The following WASF1 variants were observed in gnomAD, a reference collection of about 807,000 sequenced individuals.
The protein encoded by WASF1 is actin-binding protein WASF1.
A neutral mutation model predicts 50.5 loss-of-function variants in WASF1; 7 were observed. That is an observed-to-expected ratio of 0.14 (90% CI 0.08 to 0.26). WASF1 has a LOEUF of 0.26. Among genes scored for constraint, WASF1 ranks in the 10% least tolerant of loss-of-function variants. WASF1 has a pLI of 1.00. For missense variants in WASF1, 470 were observed against 694.7 expected (o/e 0.68, Z 3.64); for synonymous variants, 205 against 244.0 (o/e 0.84, Z 1.49).
chr6:110,174,701 T>C (rs1001409359), intron 2 of WASF1, among the ~76,000 whole-genome samples: 5 of 152,180 alleles, frequency 3.3e-5, no homozygotes, highest in Non-Finnish European at 7.4e-5. Context: ...CAGAATCTTG[T>C]ACATCTAGCA....
At position 110,164,585 on chromosome 6, in the gene WASF1, CAAG is replaced by C. The variant is rs141666066; in HGVS notation, c.-126-3856_-126-3854del. ...ACCAAATGATGGAGAGAATGCAGAGCAAGAAGAACTCTCATTCGCTGCTATTGA... is the reference window on the plus strand; with the variant it reads ...ACCAAATGATGGAGAGAATGCAGAGCAAGAACTCTCATTCGCTGCTATTGA... On this transcript the variant is annotated intron_variant, in intron 2 of 10. Coordinates refer to ENST00000392589, the MANE Select transcript of WASF1 (RefSeq NM_003931.3). 9.6e-3 allele frequency among the ~76,000 whole-genome samples: 1,453 copies of C among 151,676 alleles called. 14 individuals carry two copies. The highest frequency in any genetic ancestry group is 0.017 in the Non-Finnish European group (1,178 of 67,666).
At chr6:110,123,739 A>C (rs1774241767) in intron 4 of WASF1, among the ~76,000 whole-genome samples, 2 of 152,202 alleles carry the variant, frequency 1.3e-5, no homozygotes, top group South Asian at 4.1e-4. Flanking sequence ...ATACTTCCAG[A>C]GACAGTTTCT....
At chr6:110,144,952 G>C (rs542305332) in intron 3 of WASF1, among the ~76,000 whole-genome samples, 2 of 151,960 alleles carry the variant, frequency 1.3e-5, no homozygotes, top group African/African-American at 2.4e-5. Flanking sequence ...GCTCTTTTTT[G>C]GTTCCATATG....
chr6:110,105,624 T>A (rs1388372115), intron 7 of WASF1, 45 bp from the exon 8 acceptor site: 1 of 1,580,316 alleles, frequency 6.3e-7, no homozygotes, highest in African/African-American at 1.4e-5. Flanking sequence ...TAAGCGCTAA[T>A]TTTTAAAAAG....
At chr6:110,103,198 C>G (rs1396085521) in intron 9 of WASF1, among the ~76,000 whole-genome samples, 180 bp downstream of exon 9, 1 of 152,170 alleles carries the variant, frequency 6.6e-6, no homozygotes, top group Non-Finnish European at 1.5e-5. Context: ...TTTATTTCAA[C>G]ACAGACACAT....
intron 7 of WASF1, among the ~76,000 whole-genome samples, chr6:110,106,603 A>G (rs1168879753): frequency 1.3e-5 from 2 of 152,242 alleles, no homozygotes; most frequent in African/African-American, 4.8e-5. Flanking sequence ...TCATGTGAAT[A>G]TAATAACCTC....
chr6:110,124,341 G>A (rs1312691289), intron 4 of WASF1, among the ~76,000 whole-genome samples: 1 of 128,940 alleles, frequency 7.8e-6, no homozygotes, highest in African/African-American at 3.0e-5. Context: ...GGGGCAACCT[G>A]GAACCTGCTT....
At chr6:110,171,952 C>T (rs1410848130) in intron 2 of WASF1, among the ~76,000 whole-genome samples, 4 of 152,074 alleles carry the variant, frequency 2.6e-5, no homozygotes, top group Admixed American at 2.6e-4. Flanking sequence ...CCACTGGTCA[C>T]TAAAGAAATG....
intron 2 of WASF1, among the ~76,000 whole-genome samples, chr6:110,176,098 G>A (rs1776917155): frequency 6.6e-6 from 1 of 151,914 alleles, no homozygotes; most frequent in Non-Finnish European, 1.5e-5. Context: ...CAATTGTGTA[G>A]TAAGTTAGAA....
At chr6:110,117,532 T>A (rs2114487719) in intron 4 of WASF1, among the ~76,000 whole-genome samples, 1 of 152,188 alleles carries the variant, frequency 6.6e-6, no homozygotes, top group Non-Finnish European at 1.5e-5. Flanking sequence ...CAAATATATG[T>A]TTGACTGGTG....
rs1048781127 is a variant in WASF1, at chr6:110,111,424, A to T, written c.268+1902T>A. On this transcript the variant is annotated intron_variant, in intron 5 of 10. Coordinates refer to ENST00000392589, the MANE Select transcript of WASF1 (RefSeq NM_003931.3). ...ATATTTGCAAATCATATATTTGATA[A>T]AGGATTTAGATCCAGAATATACACA... 2.0e-5 allele frequency among the ~76,000 whole-genome samples: 3 copies of T among 152,176 alleles called. No individual in the cohort carries two copies. In the East Asian group the frequency reaches 5.8e-4, roughly 29 times the overall value.
In WASF1 at chr6:110,177,586, C is replaced by A. The variant is rs1051513755; in HGVS notation, c.-127+1012G>T. 2.6e-5 allele frequency among the ~76,000 whole-genome samples: 4 copies of A among 152,202 alleles called. No homozygotes were observed. The East Asian group carries it at 5.8e-4, about 22-fold the overall frequency. ...TTCCTGAATTTATGCACACTACCTA[C>A]TAAATATTATCTCCATTTACATATA... On this transcript the variant is annotated intron_variant, in intron 2 of 10. Transcript: ENST00000392589.
Position 110,101,922 on chromosome 6 carries a change from G to A in WASF1, c.1188C>T (p.Pro396=). Residue 396 remains proline (P), a synonymous_variant, in exon 10 of 11, where the codon CCC becomes CCT. Coordinates refer to ENST00000392589, the MANE Select transcript of WASF1 (RefSeq NM_003931.3). ...PPPIAPPLVQ[P]SPPVARAAPV... is the part of the protein sequence containing the mutation. ...GGGCAGCTCTAGCTACTGGTGGAGA[G>A]GGCTGTACTAGAGGAGGTGCAATTG... The A allele has an allele frequency of 6.2e-7, 1 of 1,611,550 alleles. No homozygotes were observed. Among genetic ancestry groups the A allele is most frequent in the Non-Finnish European group, 8.5e-7 (1 of 1,178,832 alleles).
intron 3 of WASF1, among the ~76,000 whole-genome samples, chr6:110,144,778 G>T (rs1775459564): frequency 2.0e-5 from 3 of 152,146 alleles, no homozygotes; most frequent in African/African-American, 7.2e-5. Context: ...TAGATATGCG[G>T]CATTATTTCT....
chr6:110,166,825 T>C (rs1219459871), intron 2 of WASF1, among the ~76,000 whole-genome samples: 1 of 151,892 alleles, frequency 6.6e-6, no homozygotes, highest in East Asian at 1.9e-4. Flanking sequence ...GAGGATCAAA[T>C]AAGATACAAT....
chr6:110,123,636 C>CA (rs1428537640), intron 4 of WASF1, among the ~76,000 whole-genome samples: 1 of 152,040 alleles, frequency 6.6e-6, no homozygotes, highest in African/African-American at 2.4e-5. Context: ...CAGAGGAGCC[C>CA]AATAACAGGC....
At chr6:110,138,378 CTCTCT>C (rs1262933276) in intron 3 of WASF1, among the ~76,000 whole-genome samples, 4 of 152,242 alleles carry the variant, frequency 2.6e-5, no homozygotes, top group Admixed American at 2.6e-4. Context: ...TTTTCACCTT[CTCTCT>C]TCTCTTCTTC....
At chr6:110,168,500 CAAG>C (rs1294501837) in intron 2 of WASF1, among the ~76,000 whole-genome samples, 6 of 152,050 alleles carry the variant, frequency 3.9e-5, no homozygotes, top group Non-Finnish European at 8.8e-5. Flanking sequence ...CTTTTGCAAG[CAAG>C]AAGAATACAT....
At chr6:110,103,743 C>A (rs1773195614) in intron 8 of WASF1, among the ~76,000 whole-genome samples, 186 bp from the exon 9 acceptor site, 2 of 152,068 alleles carry the variant, frequency 1.3e-5, no homozygotes, top group African/African-American at 4.8e-5. Context: ...CACAATATAA[C>A]CCTTACTTGT....
Sources: gnomAD v4.1 joint callset for allele counts (sites outside exome capture counted in the v4.1 genomes callset) on GRCh38, gnomAD v4.1.1 for gene constraint, MANE v1.5 for transcripts, NCBI Gene and HGNC (gene_info 2026-07-23, HGNC 2026-07-21) for gene names.